NRXN1: variants seen among roughly 807,000 people sequenced by gnomAD.
NRXN1 encodes the protein neurexin-1.
In NRXN1, 39 loss-of-function variants were observed where a neutral mutation model predicts 150.9. That is an observed-to-expected ratio of 0.26 (90% CI 0.20 to 0.34). NRXN1 has a LOEUF of 0.34. NRXN1 is among the 10% of genes least tolerant of loss of function. The pLI, the probability that NRXN1 is intolerant of heterozygous loss-of-function variation, is 1.00. For missense variants in NRXN1, 1,815 were observed against 1,949.9 expected (o/e 0.93, Z 1.30); for synonymous variants, 924 against 757.0 (o/e 1.22, Z -3.62).
At chr2:49,981,013 T>C (rs1222546799) in intron 21 of NRXN1, among the ~76,000 whole-genome samples, 1 of 152,128 alleles carries the variant, frequency 6.6e-6, no homozygotes, top group Admixed American at 6.6e-5. Flanking sequence ...ATTCTAGTTT[T>C]TCTCCTAGCT....
intron 18 of NRXN1, among the ~76,000 whole-genome samples, chr2:50,217,007 CT>C (rs2063448160): frequency 6.6e-6 from 1 of 152,056 alleles, no homozygotes; most frequent in African/African-American, 2.4e-5. Context: ...CCCAGTAATA[CT>C]TTCAAGGGTC....
intron 2 of NRXN1, among the ~76,000 whole-genome samples, chr2:51,016,229 A>T (rs1668642482): frequency 6.6e-6 from 1 of 152,188 alleles, no homozygotes; most frequent in South Asian, 2.1e-4. Context: ...CACCAAAAGC[A>T]ATGGCAACAA....
chr2:50,322,063 T>C (rs964095802), intron 17 of NRXN1, among the ~76,000 whole-genome samples: 1 of 147,030 alleles, frequency 6.8e-6, no homozygotes, highest in Non-Finnish European at 1.5e-5. Flanking sequence ...CAGTCTGTCA[T>C]GTGCACTTCA....
chr2:50,250,451 G>A (rs544682805), intron 17 of NRXN1, among the ~76,000 whole-genome samples: 6 of 151,030 alleles, frequency 4.0e-5, no homozygotes, highest in Admixed American at 6.6e-5. Flanking sequence ...TTTTTTTAGC[G>A]GAAGCTGATG....
intron 5 of NRXN1, among the ~76,000 whole-genome samples, chr2:50,730,562 A>G (rs1411088453): frequency 6.6e-6 from 1 of 151,706 alleles, no homozygotes; most frequent in Non-Finnish European, 1.5e-5. Flanking sequence ...GACTCCCTAC[A>G]TCTCTCAGAT....
At chr2:50,118,986 T>G (rs1442906668) in intron 18 of NRXN1, among the ~76,000 whole-genome samples, 1 of 152,130 alleles carries the variant, frequency 6.6e-6, no homozygotes, top group Non-Finnish European at 1.5e-5. Context: ...TCTTTTTTTT[T>G]TTTTCGGTTG....
At chr2:50,557,321 T>A (rs1558933375) in intron 8 of NRXN1, among the ~76,000 whole-genome samples, 1 of 152,232 alleles carries the variant, frequency 6.6e-6, no homozygotes, top group Non-Finnish European at 1.5e-5. Flanking sequence ...TTTTCATTAC[T>A]TAACTATGGT....
At chr2:50,916,211 T>C (rs1685193740) in intron 5 of NRXN1, among the ~76,000 whole-genome samples, 1 of 150,908 alleles carries the variant, frequency 6.6e-6, no homozygotes, top group Non-Finnish European at 1.5e-5. Flanking sequence ...TTATTTTGGT[T>C]CAAAATTGTA....
intron 10 of NRXN1, among the ~76,000 whole-genome samples, chr2:50,537,761 C>T (rs1312978043): frequency 6.6e-6 from 1 of 152,112 alleles, no homozygotes; most frequent in Non-Finnish European, 1.5e-5. Flanking sequence ...GAGGATATTG[C>T]CTCTTTTGTA....
intron 2 of NRXN1, among the ~76,000 whole-genome samples, chr2:50,957,242 T>G (rs908697258): frequency 6.6e-6 from 1 of 152,100 alleles, no homozygotes; most frequent in Non-Finnish European, 1.5e-5. Flanking sequence ...GGTTTCAAAT[T>G]TTGGCGCTGA....
At chr2:49,978,415 A>C (rs972497518) in intron 21 of NRXN1, among the ~76,000 whole-genome samples, 10 of 152,070 alleles carry the variant, frequency 6.6e-5, no homozygotes, top group African/African-American at 2.4e-4. Context: ...GCTCTCACGA[A>C]GTGTCTCTAT....
chr2:49,988,735 G>T (rs1272945737), intron 21 of NRXN1, among the ~76,000 whole-genome samples: 1 of 151,930 alleles, frequency 6.6e-6, no homozygotes, highest in Non-Finnish European at 1.5e-5. Flanking sequence ...GGAGGGAAAA[G>T]AGATGATTAA....
At chr2:50,471,833 C>T (rs1303213802) in intron 16 of NRXN1, among the ~76,000 whole-genome samples, 1 of 151,680 alleles carries the variant, frequency 6.6e-6, no homozygotes, top group Non-Finnish European at 1.5e-5. Flanking sequence ...ACCCCTATGA[C>T]ACAAGTTGAC....
intron 21 of NRXN1, among the ~76,000 whole-genome samples, chr2:49,955,410 G>T (rs917133307): frequency 2.0e-5 from 3 of 152,038 alleles, no homozygotes; most frequent in Non-Finnish European, 4.4e-5. Context: ...GAAATGTATG[G>T]TAGAGAAATA....
chr2:50,661,130 G>A (rs1476909715), intron 5 of NRXN1, among the ~76,000 whole-genome samples: 27 of 151,942 alleles, frequency 1.8e-4, no homozygotes, highest in Admixed American at 1.8e-3. Flanking sequence ...ACATTTTACA[G>A]AGAAAGAAAC....
intron 21 of NRXN1, among the ~76,000 whole-genome samples, chr2:49,951,017 T>G (rs1487451685): frequency 2.0e-5 from 3 of 151,932 alleles, no homozygotes; most frequent in African/African-American, 7.2e-5. Context: ...TTAAAAAGTA[T>G]GCAATGGTTC....
At chr2:50,662,946 T>C (rs1360375166) in intron 5 of NRXN1, among the ~76,000 whole-genome samples, 8 of 152,160 alleles carry the variant, frequency 5.3e-5, no homozygotes, top group Non-Finnish European at 1.2e-4. Context: ...TTCTCATTTA[T>C]TTGACCTGGC....
chr2:50,346,965 G>C lies in NRXN1; in HGVS notation c.3365-109995C>G. ...TCTGGTACATGGCGGGGCGCCCGCC[G>C]AGGGGCAGCCGCCGCGGGAGGCAAA... On this transcript the variant is annotated intron_variant, in intron 17 of 22. Transcript: ENST00000401669. The surrounding 1 kb of genome is among the most constrained non-coding windows in gnomAD (Gnocchi z 5.0). 1 of 1,367,562 alleles carries C rather than the reference G, an allele frequency of 7.3e-7. No homozygotes were observed. The highest frequency in any genetic ancestry group is 9.4e-7 in the Non-Finnish European group (1 of 1,059,808). 84.7% of individuals were successfully genotyped at this position (1,367,562 alleles called of 1,614,324 possible).
chr2:49,982,073 A>G (rs1680077805), intron 21 of NRXN1, among the ~76,000 whole-genome samples: 1 of 152,130 alleles, frequency 6.6e-6, no homozygotes, highest in Non-Finnish European at 1.5e-5. Context: ...AAAGTCAAGA[A>G]CCAGATTCTT....
Sources: allele counts gnomAD v4.1 joint callset (sites outside exome capture counted in the v4.1 genomes callset), GRCh38; gene constraint gnomAD v4.1.1; non-coding constraint Gnocchi (gnomAD v3.1); transcripts MANE v1.5; gene names NCBI Gene and HGNC (gene_info 2026-07-23, HGNC 2026-07-21).